CNTN5: variants seen among roughly 807,000 people sequenced by gnomAD.
The protein encoded by CNTN5 is contactin 5.
CNTN5 carries 77 observed loss-of-function variants against 129.1 expected under a neutral mutation model. The observed-to-expected ratio is 0.60, with a 90% CI of 0.50 to 0.72. CNTN5 has a LOEUF of 0.72. Among genes scored for constraint, CNTN5 ranks in the 30% least tolerant of loss-of-function variants. CNTN5 has a pLI of 0.00. For synonymous variants in CNTN5, 509 were observed against 465.6 expected, an observed-to-expected ratio of 1.09 and a Z score of -1.20; for missense variants, 1,478 against 1,328.8, an observed-to-expected ratio of 1.11 and a Z score of -1.75.
chr11:99,466,889 A>G lies in CNTN5; in HGVS notation c.-70-89256A>G, dbSNP rs142206556. Among the ~76,000 whole-genome samples, 8 of 152,280 alleles carry G rather than the reference A, an allele frequency of 5.3e-5. No individual in the cohort carries two copies. In the East Asian group the frequency reaches 1.2e-3, roughly 22 times the overall value. On this transcript the variant is annotated intron_variant, in intron 2 of 24. Transcript: ENST00000524871. ...AAGTGACATGTACATAATTGCCAGC[A>G]CATTCTATTGGCCGGAAGTCAATCA...
At chr11:99,514,804 T>C (rs1946983496) in intron 2 of CNTN5, among the ~76,000 whole-genome samples, 1 of 152,104 alleles carries the variant, frequency 6.6e-6, no homozygotes, top group Admixed American at 6.6e-5. Flanking sequence ...GATATTTGCT[T>C]TATTGCAGTA....
intron 2 of CNTN5, among the ~76,000 whole-genome samples, chr11:99,469,821 A>G (rs1446137709): frequency 6.6e-6 from 1 of 152,122 alleles, no homozygotes; most frequent in Non-Finnish European, 1.5e-5. Flanking sequence ...TATTTATGAA[A>G]TTCAATTACT....
At chr11:99,116,652 G>C (rs1278768642) in intron 1 of CNTN5, among the ~76,000 whole-genome samples, 1 of 152,104 alleles carries the variant, frequency 6.6e-6, no homozygotes, top group Non-Finnish European at 1.5e-5. Context: ...AGTTTATAGA[G>C]TAGAGGGACA....
intron 1 of CNTN5, among the ~76,000 whole-genome samples, chr11:99,207,160 G>A (rs957982688): frequency 1.3e-5 from 2 of 151,918 alleles, no homozygotes; most frequent in African/African-American, 4.8e-5. Flanking sequence ...TCTGAAATAG[G>A]GATACATGAA....
intron 1 of CNTN5, among the ~76,000 whole-genome samples, chr11:99,032,183 T>G (rs1477745986): frequency 6.6e-6 from 1 of 152,152 alleles, no homozygotes; most frequent in Non-Finnish European, 1.5e-5. Flanking sequence ...ACATTTGGGT[T>G]GGTTCCAACT....
At chr11:100,253,320 A>G (rs1950007492) in intron 16 of CNTN5, among the ~76,000 whole-genome samples, 1 of 152,158 alleles carries the variant, frequency 6.6e-6, no homozygotes, top group Non-Finnish European at 1.5e-5. Context: ...ATTTGAGCAA[A>G]TAACTTCTCA....
At chr11:99,609,796 A>T (rs563501140) in intron 3 of CNTN5, among the ~76,000 whole-genome samples, 3 of 152,116 alleles carry the variant, frequency 2.0e-5, no homozygotes, top group African/African-American at 7.2e-5. Context: ...AAAAGAAACA[A>T]TATTAGTGCT....
At chr11:100,031,503 G>T (rs1199058153) in intron 9 of CNTN5, among the ~76,000 whole-genome samples, 1 of 152,094 alleles carries the variant, frequency 6.6e-6, no homozygotes, top group Non-Finnish European at 1.5e-5. Context: ...GATAAGATAG[G>T]GCTATAAATG....
At chr11:99,976,305 A>C (rs1937968165) in intron 8 of CNTN5, among the ~76,000 whole-genome samples, 1 of 152,162 alleles carries the variant, frequency 6.6e-6, no homozygotes, top group East Asian at 1.9e-4. Context: ...ACATGGTGCA[A>C]ACTGTTGGTG....
At chr11:100,010,096 A>G (rs1940434328) in intron 9 of CNTN5, among the ~76,000 whole-genome samples, 1 of 152,166 alleles carries the variant, frequency 6.6e-6, no homozygotes, top group Non-Finnish European at 1.5e-5. Flanking sequence ...AAAGGGGTCA[A>G]GGGACAATGC....
chr11:99,065,545 A>C (rs971694943), intron 1 of CNTN5, among the ~76,000 whole-genome samples: 2 of 152,182 alleles, frequency 1.3e-5, no homozygotes. Flanking sequence ...GAAATGAATT[A>C]TTTCATAGTG....
intron 1 of CNTN5, among the ~76,000 whole-genome samples, chr11:99,306,481 C>A (rs749441193): frequency 6.4e-4 from 97 of 151,980 alleles, no homozygotes; most frequent in Admixed American, 2.4e-3. Context: ...CCATAGTGCC[C>A]AATAACTTCA....
intron 3 of CNTN5, among the ~76,000 whole-genome samples, chr11:99,702,863 GAA>G (rs1301233797): frequency 6.6e-6 from 1 of 150,902 alleles, no homozygotes; most frequent in Non-Finnish European, 1.5e-5. Flanking sequence ...CAGGAAAGAA[GAA>G]ATACTCTCAT....
intron 3 of CNTN5, among the ~76,000 whole-genome samples, chr11:99,742,850 C>A (rs1039710596): frequency 6.6e-6 from 1 of 152,140 alleles, no homozygotes; most frequent in Non-Finnish European, 1.5e-5. Context: ...ATATGTTGGG[C>A]ATACTTCCAG....
chr11:99,260,952 T>C (rs570540965), intron 1 of CNTN5, among the ~76,000 whole-genome samples: 93 of 152,066 alleles, frequency 6.1e-4, no homozygotes, highest in African/African-American at 2.2e-3. Context: ...AGTTGAATGG[T>C]ATTGCATAGC....
intron 8 of CNTN5, among the ~76,000 whole-genome samples, chr11:99,975,812 G>C (rs1014529729): frequency 2.0e-5 from 3 of 152,036 alleles, no homozygotes; most frequent in Admixed American, 6.5e-5. Context: ...TCATTCTACC[G>C]CGGCCCCTCC....
At chr11:99,240,506 C>G (rs1861492473) in intron 1 of CNTN5, among the ~76,000 whole-genome samples, 1 of 152,146 alleles carries the variant, frequency 6.6e-6, no homozygotes, top group South Asian at 2.1e-4. Flanking sequence ...TATCTCTGGC[C>G]TGACTGCCTA....
intron 10 of CNTN5, among the ~76,000 whole-genome samples, chr11:100,067,003 A>C (rs1303266837): frequency 6.6e-6 from 1 of 152,026 alleles, no homozygotes; most frequent in African/African-American, 2.4e-5. Flanking sequence ...TTTTATTTTA[A>C]AAATTTTACC....
chr11:99,355,022 GT>G (rs1203756277), intron 2 of CNTN5, among the ~76,000 whole-genome samples: 3 of 152,094 alleles, frequency 2.0e-5, no homozygotes, highest in Non-Finnish European at 4.4e-5. Flanking sequence ...TGTTATCTCT[GT>G]CTGGAAAGAC....
Sources: gnomAD v4.1 joint callset for allele counts (sites outside exome capture counted in the v4.1 genomes callset) on GRCh38, gnomAD v4.1.1 for gene constraint, MANE v1.5 for transcripts, NCBI Gene and HGNC (gene_info 2026-07-23, HGNC 2026-07-21) for gene names.